Variants in PTPRN2 observed in about 807,000 individuals in gnomAD.
The protein encoded by PTPRN2 is protein tyrosine phosphatase receptor type N2.
In PTPRN2, 74 loss-of-function variants were observed where a neutral mutation model predicts 118.8. That is an observed-to-expected ratio of 0.62 (90% CI 0.52 to 0.76). The LOEUF (loss-of-function observed/expected upper bound fraction) is 0.76. Ranked by LOEUF, PTPRN2 falls within the 30% of genes least tolerant of loss-of-function variation. The probability of loss-of-function intolerance (pLI) is 0.00; values close to 1 mark genes in which losing one functional copy is unlikely to be tolerated. For missense variants in PTPRN2, 1,481 were observed against 1,394.4 expected, an observed-to-expected ratio of 1.06 and a Z score of -0.99; for synonymous variants, 641 against 608.0, an observed-to-expected ratio of 1.05 and a Z score of -0.80.
At chr7:158,151,127 C>G (rs6954217) in intron 6 of PTPRN2, among the ~76,000 whole-genome samples, 1 of 36,674 alleles carries the variant, frequency 2.7e-5, no homozygotes. Context: ...CCTGCCCACA[C>G]CGCCCGCCTT....
chr7:157,809,908 TTGA>T (rs1805876436), intron 12 of PTPRN2, among the ~76,000 whole-genome samples: 2 of 152,314 alleles, frequency 1.3e-5, no homozygotes, highest in African/African-American at 2.4e-5. Context: ...CTTGCTGTCC[TTGA>T]ACAGGAGGCA....
intron 3 of PTPRN2, among the ~76,000 whole-genome samples, chr7:158,259,571 A>G (rs1048112194): frequency 1.3e-5 from 2 of 152,174 alleles, no homozygotes; most frequent in African/African-American, 4.8e-5. Flanking sequence ...GATTTATAAC[A>G]AGAGCCCAAG....
intron 3 of PTPRN2, among the ~76,000 whole-genome samples, chr7:158,258,220 C>T (rs1188119674): frequency 1.3e-5 from 2 of 152,206 alleles, no homozygotes; most frequent in African/African-American, 4.8e-5. Context: ...ATTTCCTCCG[C>T]TCTGTCTGCT....
At chr7:158,012,015 G>T (rs2082736) in intron 11 of PTPRN2, among the ~76,000 whole-genome samples, 2 of 152,014 alleles carry the variant, frequency 1.3e-5, no homozygotes, top group African/African-American at 2.4e-5. Flanking sequence ...GAATCAACTT[G>T]GGTGAGAAGA....
At chr7:158,485,103 A>G (rs1820911294) in intron 2 of PTPRN2, among the ~76,000 whole-genome samples, 2 of 152,050 alleles carry the variant, frequency 1.3e-5, no homozygotes, top group Admixed American at 6.5e-5. Flanking sequence ...CACCTGGGCC[A>G]CCGAGCGCAG....
At chr7:158,280,339 G>A (rs1799336424) in intron 3 of PTPRN2, among the ~76,000 whole-genome samples, 1 of 152,182 alleles carries the variant, frequency 6.6e-6, no homozygotes, top group South Asian at 2.1e-4. Context: ...GGGGAGGCCG[G>A]CAGAGCCTGC....
intron 21 of PTPRN2, 132 bp from the exon 22 acceptor site, chr7:157,549,151 G>T: frequency 4.7e-6 from 4 of 848,510 alleles, no homozygotes; most frequent in East Asian, 2.5e-5. Context: ...TCCCTCAGCC[G>T]GCTGGCAGGC....
In PTPRN2 at chr7:157,977,084, A is replaced by ATGCAAG. The variant is rs1802811646; in HGVS notation, c.1724-78353_1724-78348dup. On this transcript the variant is annotated intron_variant, in intron 11 of 22. Coordinates refer to ENST00000389418, the MANE Select transcript of PTPRN2 (RefSeq NM_002847.5). This position sits in a 1 kb window ranked among gnomAD's most constrained non-coding sequence, Gnocchi z 4.6. ...TGAGTAGGTATGGAAAATAAAACAG[A>ATGCAAG]TGCAAGGGTAGGAACCACAGCTAAT... 1.3e-5 allele frequency among the ~76,000 whole-genome samples: 2 copies of ATGCAAG among 152,150 alleles called. No homozygotes were observed. The highest frequency in any genetic ancestry group is 4.1e-4 in the South Asian group (2 of 4,826).
At chr7:158,155,583 C>T (rs373840120) in intron 6 of PTPRN2, among the ~76,000 whole-genome samples, 2 of 91,096 alleles carry the variant, frequency 2.2e-5, no homozygotes, top group African/African-American at 9.2e-5. Flanking sequence ...ATCACCATCA[C>T]CATCATCACC....
In PTPRN2 at chr7:157,893,789, G is replaced by A. The variant is rs766031591; in HGVS notation, c.1788+4884C>T. Reference sequence around the variant, plus strand: ...GATAACATAAAAAGCCAGGGCCCAGGTGAGTTCCCCACAGGAGACAGCACC... The same window carrying A: ...GATAACATAAAAAGCCAGGGCCCAGATGAGTTCCCCACAGGAGACAGCACC... On this transcript the variant is annotated intron_variant, in intron 12 of 22. Transcript: ENST00000389418. The surrounding 1 kb of genome is among the most constrained non-coding windows in gnomAD (Gnocchi z 4.0). 6.6e-6 allele frequency among the ~76,000 whole-genome samples: 1 copy of A among 152,334 alleles called. No individual in the cohort carries two copies. Among genetic ancestry groups the A allele is most frequent in the East Asian group, 1.9e-4 (1 of 5,174 alleles).
intron 12 of PTPRN2, among the ~76,000 whole-genome samples, chr7:157,800,548 G>A (rs1468376475): frequency 2.0e-5 from 3 of 152,226 alleles, no homozygotes; most frequent in East Asian, 1.9e-4. Context: ...TCGTACGGAC[G>A]TTCTGTGGAA....
intron 11 of PTPRN2, among the ~76,000 whole-genome samples, chr7:158,039,005 C>A (rs565612644): frequency 6.6e-6 from 1 of 152,200 alleles, no homozygotes; most frequent in African/African-American, 2.4e-5. Context: ...GTTTATGGCC[C>A]TCCCCCTTTG....
intron 3 of PTPRN2, among the ~76,000 whole-genome samples, chr7:158,254,622 T>A: frequency 1.0e-5 from 1 of 97,968 alleles, no homozygotes; most frequent in Admixed American, 1.2e-4. Flanking sequence ...AACTGGACAG[T>A]GGCACAGAGC....
chr7:158,244,739 T>A (rs1435449369), intron 3 of PTPRN2, among the ~76,000 whole-genome samples: 6 of 140,960 alleles, frequency 4.3e-5, no homozygotes, highest in African/African-American at 1.6e-4. Context: ...TGTGTGTGTG[T>A]GTGAGTTGTG....
At chr7:157,568,871 C>A in intron 21 of PTPRN2, 31 bp downstream of exon 21, 2 of 1,529,752 alleles carry the variant, frequency 1.3e-6, no homozygotes, top group South Asian at 1.1e-5. Context: ...CAGCTCTGAG[C>A]CGCAACAAAG....
chr7:158,346,534 G>A lies in PTPRN2; in HGVS notation c.164-29602C>T, dbSNP rs552306384. The stretch of plus-strand genomic sequence containing the variant: ...CATCCATCTGTCGATGGACATTTAG[G>A]TTGATTCTATGTCATGGCCATTGTG... On this transcript the variant is annotated intron_variant, in intron 2 of 22. Transcript: ENST00000389418. 1.0e-3 allele frequency among the ~76,000 whole-genome samples: 159 copies of A among 152,260 alleles called. 1 individual carries two copies. The Middle Eastern group carries it at 0.017, about 16-fold the overall frequency.
chr7:157,668,989 C>T (rs190399951), intron 13 of PTPRN2, among the ~76,000 whole-genome samples: 12 of 152,362 alleles, frequency 7.9e-5, no homozygotes, highest in African/African-American at 2.6e-4. Context: ...AAGGAACCGC[C>T]TCACATGCTA....
chr7:157,707,197 G>GCACACA (rs58765321), intron 12 of PTPRN2, among the ~76,000 whole-genome samples: 1 of 151,282 alleles, frequency 6.6e-6, no homozygotes, highest in Non-Finnish European at 1.5e-5. Flanking sequence ...CAGCATACAC[G>GCACACA]CACACACACA....
Position 157,953,948 on chromosome 7 carries a change from T to C in PTPRN2, c.1724-55211A>G, listed in dbSNP as rs559079906. On this transcript the variant is annotated intron_variant, in intron 11 of 22. Coordinates refer to ENST00000389418, the MANE Select transcript of PTPRN2 (RefSeq NM_002847.5). The surrounding 1 kb of genome is among the most constrained non-coding windows in gnomAD (Gnocchi z 4.6). ...GCTTGAAGATGCATGTGTGTTAGAGTCTCTTCCACAGAACTCTCTGGAAAG... is the reference window on the plus strand; with the variant it reads ...GCTTGAAGATGCATGTGTGTTAGAGCCTCTTCCACAGAACTCTCTGGAAAG... Among the ~76,000 whole-genome samples, 1 of 152,178 alleles carries C rather than the reference T, an allele frequency of 6.6e-6. No individual in the cohort carries two copies. Among genetic ancestry groups the C allele is most frequent in the Non-Finnish European group, 1.5e-5 (1 of 68,044 alleles).
Sources: gnomAD v4.1 joint callset for allele counts (sites outside exome capture counted in the v4.1 genomes callset) on GRCh38, gnomAD v4.1.1 for gene constraint, Gnocchi (gnomAD v3.1) non-coding constraint, MANE v1.5 for transcripts, NCBI Gene and HGNC (gene_info 2026-07-23, HGNC 2026-07-21) for gene names.